SPATA17: variants seen among roughly 807,000 people sequenced by gnomAD.
SPATA17 encodes spermatogenesis-associated protein 17.
A neutral mutation model predicts 62.2 loss-of-function variants in SPATA17; 53 were observed. The ratio of observed to expected loss-of-function variants is 0.85; its 90% CI spans 0.68 to 1.07. The LOEUF (loss-of-function observed/expected upper bound fraction) is 1.07. Ranked by LOEUF, SPATA17 falls within the 50% of genes least tolerant of loss-of-function variation. The probability of loss-of-function intolerance (pLI) is 0.00; values close to 1 mark genes in which losing one functional copy is unlikely to be tolerated. For synonymous variants in SPATA17, 146 were observed against 146.8 expected, an observed-to-expected ratio of 0.99 and a Z score of 0.04; for missense variants, 466 against 425.5, an observed-to-expected ratio of 1.10 and a Z score of -0.84.
intron 9 of SPATA17, among the ~76,000 whole-genome samples, chr1:217,807,546 G>A (rs945744195): frequency 1.1e-4 from 16 of 151,948 alleles, no homozygotes; most frequent in Admixed American, 6.6e-4. Flanking sequence ...ATGGCTCATC[G>A]TATTATGTTT....
At chr1:217,711,305 G>T (rs1368527038) in intron 5 of SPATA17, among the ~76,000 whole-genome samples, 3 of 152,108 alleles carry the variant, frequency 2.0e-5, no homozygotes, top group Non-Finnish European at 4.4e-5. Flanking sequence ...ACCCCGCACT[G>T]CCAAGTAGGC....
At chr1:217,851,073 A>G (rs1675654894) in intron 9 of SPATA17, among the ~76,000 whole-genome samples, 1 of 152,146 alleles carries the variant, frequency 6.6e-6, no homozygotes. Context: ...TGCTGAATAT[A>G]ATTAATGCTG....
chr1:217,854,854 A>G (rs1675746292), intron 9 of SPATA17, among the ~76,000 whole-genome samples: 1 of 152,186 alleles, frequency 6.6e-6, no homozygotes, highest in Non-Finnish European at 1.5e-5. Context: ...TAACAAGTTC[A>G]CGGTTTCCCC....
rs1474244750 is a variant in SPATA17, at chr1:217,734,503, CTG to C, written c.396-7470_396-7469del. Among the ~76,000 whole-genome samples, 6 of 152,118 alleles carry C rather than the reference CTG, an allele frequency of 3.9e-5. No individual in the cohort carries two copies. The South Asian group carries it at 1.0e-3, about 26-fold the overall frequency. On this transcript the variant is annotated intron_variant, in intron 5 of 10. Coordinates refer to ENST00000366933, the MANE Select transcript of SPATA17 (RefSeq NM_138796.4). ...CAGGTGTGTGCCACCACACCCATGA[CTG>C]TTTTTATTTTGAAGGCATCTTACAA...
rs1383821490 is a variant in SPATA17 at position 217,710,564 on chromosome 1, A to G, written c.395+27203A>G. Among the ~76,000 whole-genome samples, 4 of 152,292 alleles carry G rather than the reference A, an allele frequency of 2.6e-5. No individual in the cohort carries two copies. In the East Asian group the frequency reaches 5.8e-4, roughly 22 times the overall value. ...TAGTTTCTTAGTATGTTGATTTTGT[A>G]TAATATAGTTTGGCTAGAAAGATTT... On this transcript the variant is annotated intron_variant, in intron 5 of 10. Coordinates refer to ENST00000366933, the MANE Select transcript of SPATA17 (RefSeq NM_138796.4).
In SPATA17 at chr1:217,868,060, A is replaced by C. The variant is rs184025806; in HGVS notation, c.*1041A>C. The C allele has an allele frequency of 3.9e-5, 6 of 152,292 alleles. No individual in the cohort carries two copies. The highest frequency in any genetic ancestry group is 3.9e-4 in the Admixed American group (6 of 15,300). The allele number at this position is 152,292 out of a possible 1,614,324, so 9.4% of individuals were successfully genotyped here. On this transcript the variant is annotated 3_prime_UTR_variant, in exon 11 of 11. Coordinates refer to ENST00000366933, the MANE Select transcript of SPATA17 (RefSeq NM_138796.4). ...TGAGGGGAAAAAAAGGAACCTATTA[A>C]AAAGACATTATCTATCAATCACTGT...
intron 6 of SPATA17, among the ~76,000 whole-genome samples, chr1:217,755,380 GAAGA>G (rs1414598271): frequency 6.6e-6 from 1 of 151,968 alleles, no homozygotes; most frequent in Admixed American, 6.6e-5. Flanking sequence ...AAGATGTGGA[GAAGA>G]AAGGGAAAAG....
At chr1:217,758,968 G>T (rs751782181) in intron 6 of SPATA17, among the ~76,000 whole-genome samples, 2 of 152,088 alleles carry the variant, frequency 1.3e-5, no homozygotes, top group African/African-American at 2.4e-5. Flanking sequence ...GGGCATGAAG[G>T]CATCAAAGAA....
intron 5 of SPATA17, among the ~76,000 whole-genome samples, chr1:217,737,030 GA>G (rs1020169762): frequency 2.6e-5 from 4 of 151,702 alleles, no homozygotes; most frequent in Admixed American, 6.6e-5. Flanking sequence ...TACCTCTTCA[GA>G]AAAAAAAGTC....
At chr1:217,789,544 G>A (rs961132079) in intron 8 of SPATA17, among the ~76,000 whole-genome samples, 26 of 152,300 alleles carry the variant, frequency 1.7e-4, no homozygotes, top group African/African-American at 6.3e-4. Flanking sequence ...TGGCCTGCAG[G>A]TAAGAGTTTT....
intron 9 of SPATA17, among the ~76,000 whole-genome samples, chr1:217,857,736 C>T (rs1675814400): frequency 6.6e-6 from 1 of 152,152 alleles, no homozygotes; most frequent in Admixed American, 6.5e-5. Context: ...CTTCCTGTAC[C>T]AGAGGTCACA....
chr1:217,840,852 C>T (rs1675378329), intron 9 of SPATA17, among the ~76,000 whole-genome samples: 1 of 151,638 alleles, frequency 6.6e-6, no homozygotes. Flanking sequence ...CAGTGAGACC[C>T]TGTCTCAAAA....
chr1:217,782,652 A>G (rs942982634), intron 8 of SPATA17, among the ~76,000 whole-genome samples: 21 of 152,290 alleles, frequency 1.4e-4, no homozygotes, highest in African/African-American at 5.1e-4. Flanking sequence ...AATAAGATCC[A>G]GTAAGATGGA....
intron 9 of SPATA17, among the ~76,000 whole-genome samples, chr1:217,813,318 C>A (rs1400450116): frequency 2.6e-5 from 4 of 152,172 alleles, no homozygotes; most frequent in Non-Finnish European, 4.4e-5. Flanking sequence ...TTATGATTAT[C>A]ATAATTGATG....
rs1237601996 is a variant in SPATA17, at chr1:217,868,112, T to G, written c.*1093T>G. ...TGTGTACAGTTTTGAGCTCCTGATT[T>G]AAATAAACAAATTGTAAAATAAAAG... On this transcript the variant is annotated 3_prime_UTR_variant, in exon 11 of 11. Coordinates refer to ENST00000366933, the MANE Select transcript of SPATA17 (RefSeq NM_138796.4). 6.6e-6 allele frequency: 1 copy of G among 152,194 alleles called. No homozygotes were observed. The highest frequency in any genetic ancestry group is 1.5e-5 in the Non-Finnish European group (1 of 68,024). The allele number at this position is 152,194 out of a possible 1,614,324, so 9.4% of individuals were successfully genotyped here.
rs186436832 is a variant in SPATA17, at chr1:217,869,957, G to A, written c.*2938G>A. The A allele has an allele frequency of 3.3e-5, 5 of 152,252 alleles. 1 individual carries two copies. 9.4% of individuals were successfully genotyped at this position (152,252 alleles called of 1,614,324 possible). ...AGCCACCATAAATAGCGGACCATCT[G>A]TATATCTGAAAGAAGATGAACCAAG... is the stretch of plus-strand genomic sequence containing the variant. On this transcript the variant is annotated 3_prime_UTR_variant, in exon 11 of 11. Transcript: ENST00000366933.
chr1:217,802,695 C>A (rs1674342878), intron 9 of SPATA17, among the ~76,000 whole-genome samples: 1 of 152,114 alleles, frequency 6.6e-6, no homozygotes, highest in Non-Finnish European at 1.5e-5. Context: ...GGTTCCGTCT[C>A]TAATACAGTC....
intron 7 of SPATA17, among the ~76,000 whole-genome samples, chr1:217,780,702 T>C (rs1031438819): frequency 6.6e-6 from 1 of 152,122 alleles, no homozygotes; most frequent in African/African-American, 2.4e-5. Flanking sequence ...AAAACTCTTC[T>C]TGAAACTAAT....
At chr1:217,740,270 AT>A (rs1672599802) in intron 5 of SPATA17, among the ~76,000 whole-genome samples, 1 of 151,834 alleles carries the variant, frequency 6.6e-6, no homozygotes, top group African/African-American at 2.4e-5. Context: ...CTGTACTTAT[AT>A]TTAGCATAAT....
Sources: allele counts gnomAD v4.1 joint callset (sites outside exome capture counted in the v4.1 genomes callset), GRCh38; gene constraint gnomAD v4.1.1; transcripts MANE v1.5; gene names NCBI Gene and HGNC (gene_info 2026-07-23, HGNC 2026-07-21).